FNIP1: variants seen among roughly 807,000 people sequenced by gnomAD.
FNIP1 encodes the protein folliculin-interacting protein 1.
In FNIP1, 40 loss-of-function variants were observed where a neutral mutation model predicts 124.5. That is an observed-to-expected ratio of 0.32 (90% CI 0.25 to 0.42). The LOEUF (loss-of-function observed/expected upper bound fraction) is 0.42. Among genes scored for constraint, FNIP1 ranks in the 10% least tolerant of loss-of-function variants. FNIP1 has a pLI of 1.00. For missense variants in FNIP1, 1,176 were observed against 1,403.7 expected, an observed-to-expected ratio of 0.84 and a Z score of 2.59; for synonymous variants, 472 against 470.6, an observed-to-expected ratio of 1.00 and a Z score of -0.04.
At chr5:131,654,558 T>C (rs1012014817) in intron 15 of FNIP1, among the ~76,000 whole-genome samples, 1 of 152,114 alleles carries the variant, frequency 6.6e-6, no homozygotes, top group Non-Finnish European at 1.5e-5. Flanking sequence ...CATAGACTTG[T>C]GAGGGAGATC....
chr5:131,776,459 T>A (rs1295602086), intron 1 of FNIP1, among the ~76,000 whole-genome samples: 2 of 152,202 alleles, frequency 1.3e-5, no homozygotes, highest in African/African-American at 4.8e-5. Flanking sequence ...CTATTCTTAA[T>A]AGTCAAAAAT....
chr5:131,789,575 CCAAA>C (rs1772330425), intron 1 of FNIP1, among the ~76,000 whole-genome samples: 1 of 152,182 alleles, frequency 6.6e-6, no homozygotes, highest in Non-Finnish European at 1.5e-5. Flanking sequence ...ACTTTTCCCC[CCAAA>C]CATTTATCCT....
rs1466266313 is a variant in FNIP1 at position 131,744,617 on chromosome 5, T to G, written c.166A>C (p.Asn56His). ...TTAACACTGGAGTCAAACAAAACAT[T>G]TCTCCCTCGTCTTTCACAGTCTTGA... ...VYQDCERRGR[N>H]VLFDSSVKRR... Residue 56 changes from asparagine to histidine, a missense_variant, in exon 2 of 18, where the codon AAT becomes CAT. By Grantham distance (68) the Asn-to-His change is moderately conservative. This residue lies in a region of FNIP1 where 1,109 missense variants were observed against 1,288.5 expected (regional missense o/e 0.86). Coordinates refer to ENST00000510461, the MANE Select transcript of FNIP1 (RefSeq NM_133372.3). 1 of 1,611,924 alleles carries G rather than the reference T, an allele frequency of 6.2e-7. No homozygotes were observed. Among genetic ancestry groups the G allele is most frequent in the Admixed American group, 1.7e-5 (1 of 59,750 alleles).
Position 131,676,801 on chromosome 5 carries a change from G to A in FNIP1, c.1519+902C>T, listed in dbSNP as rs181927114. ...TATGTCAATTATAACTCAATAAAAT[G>A]GAAGGGAATGGGGGAGGGAACAAGG... is the stretch of plus-strand genomic sequence containing the variant. On this transcript the variant is annotated intron_variant, in intron 13 of 17. Transcript: ENST00000510461. 1.2e-3 allele frequency among the ~76,000 whole-genome samples: 178 copies of A among 152,232 alleles called. 2 individuals carry two copies. Among genetic ancestry groups the A allele is most frequent in the Non-Finnish European group, 2.0e-3 (133 of 68,010 alleles).
intron 2 of FNIP1, among the ~76,000 whole-genome samples, chr5:131,737,298 C>G (rs1190286829): frequency 6.6e-6 from 1 of 152,154 alleles, no homozygotes; most frequent in African/African-American, 2.4e-5. Context: ...AGTAGAGAAA[C>G]AACAGCTGAG....
intron 1 of FNIP1, among the ~76,000 whole-genome samples, chr5:131,783,948 C>G (rs1418404428): frequency 1.3e-5 from 2 of 149,424 alleles, no homozygotes; most frequent in Non-Finnish European, 1.5e-5. Context: ...CACTGAAACA[C>G]AGGAATAATC....
At chr5:131,782,526 C>T (rs561896572) in intron 1 of FNIP1, among the ~76,000 whole-genome samples, 2 of 150,590 alleles carry the variant, frequency 1.3e-5, no homozygotes, top group South Asian at 4.2e-4. Flanking sequence ...GATTACGCCA[C>T]TGCACTTCAA....
chr5:131,728,425 G>A (rs917475995), intron 3 of FNIP1, among the ~76,000 whole-genome samples: 1 of 151,834 alleles, frequency 6.6e-6, no homozygotes, highest in African/African-American at 2.4e-5. Context: ...ATGTCATTAA[G>A]TTGATCTTCA....
chr5:131,747,857 T>A (rs1412192619), intron 1 of FNIP1, among the ~76,000 whole-genome samples: 1 of 152,080 alleles, frequency 6.6e-6, no homozygotes, highest in African/African-American at 2.4e-5. Flanking sequence ...TATATGCTGA[T>A]GACAGAATCT....
chr5:131,753,110 G>A (rs746258523), intron 1 of FNIP1, among the ~76,000 whole-genome samples: 1 of 151,758 alleles, frequency 6.6e-6, no homozygotes, highest in Non-Finnish European at 1.5e-5. Flanking sequence ...CAAAAAAAAT[G>A]GCCACAAGCA....
chr5:131,674,860 A>G (rs1011275170), intron 13 of FNIP1, among the ~76,000 whole-genome samples: 1 of 152,212 alleles, frequency 6.6e-6, no homozygotes, highest in Admixed American at 6.5e-5. Context: ...AAATATAAAT[A>G]GGTCTCAAAT....
chr5:131,763,329 C>G (rs1771300442), intron 1 of FNIP1, among the ~76,000 whole-genome samples: 1 of 135,220 alleles, frequency 7.4e-6, no homozygotes. Context: ...ACACACACGA[C>G]TACAATGGCC....
chr5:131,704,275 T>G lies in FNIP1; in HGVS notation c.915-9A>C. Reference sequence around the variant, plus strand: ...AGCTTTCTTCTATAGACCTTAAAAATAAATGATTTTTTATTAATTTACAAA... The same window carrying G: ...AGCTTTCTTCTATAGACCTTAAAAAGAAATGATTTTTTATTAATTTACAAA... On this transcript the variant is annotated splice_polypyrimidine_tract_variant and intron_variant, in intron 9 of 17. Transcript: ENST00000510461. 6.5e-7 allele frequency: 1 copy of G among 1,547,996 alleles called. No individual in the cohort carries two copies.
chr5:131,778,840 T>A (rs7715641), intron 1 of FNIP1, among the ~76,000 whole-genome samples: 3,104 of 138,286 alleles, frequency 0.022, 122 homozygotes, highest in African/African-American at 0.081. Flanking sequence ...GTTCATGTCG[T>A]TTGTAGGGAC....
rs962142250 is a variant in FNIP1 at position 131,707,409 on chromosome 5, C to A, written c.779-863G>T. On this transcript the variant is annotated intron_variant, in intron 8 of 17. Coordinates refer to ENST00000510461, the MANE Select transcript of FNIP1 (RefSeq NM_133372.3). ...ATTCAAAACAGGGAACCATTATCAT[C>A]ACTATTAAAAAGGTACAGGCCAGAT... 7.2e-5 allele frequency among the ~76,000 whole-genome samples: 11 copies of A among 152,148 alleles called. 1 individual carries two copies. Among genetic ancestry groups the A allele is most frequent in the Admixed American group, 5.9e-4 (9 of 15,272 alleles).
chr5:131,687,339 C>CA (rs1768316254), intron 11 of FNIP1, among the ~76,000 whole-genome samples: 1 of 152,112 alleles, frequency 6.6e-6, no homozygotes. Flanking sequence ...CTCCTGGACT[C>CA]AAATGATCCA....
Position 131,672,406 on chromosome 5 carries a change from T to C in FNIP1, c.2038A>G (p.Thr680Ala). The C allele has an allele frequency of 1.9e-6, 3 of 1,614,088 alleles. No individual in the cohort carries two copies. The highest frequency in any genetic ancestry group is 2.5e-6 in the Non-Finnish European group (3 of 1,180,032). The change falls in exon 14 of 18, where the codon ACA becomes GCA. Residue 680 changes from threonine (T) to alanine (A), a missense_variant. This residue lies in a region of FNIP1 where 1,109 missense variants were observed against 1,288.5 expected (regional missense o/e 0.86). Transcript: ENST00000510461. ...LRTCFDAKLE[T>A]VVCTGSVPVD... The stretch of plus-strand genomic sequence containing the variant: ...GGAACAGATCCTGTGCAAACAACTG[T>C]CTCTAACTTGGCGTCAAAGCAAGTT...
At chr5:131,755,039 G>T (rs1409978570) in intron 1 of FNIP1, among the ~76,000 whole-genome samples, 1 of 152,186 alleles carries the variant, frequency 6.6e-6, no homozygotes, top group African/African-American at 2.4e-5. Flanking sequence ...CTCAGGAGGG[G>T]GAGTAAGTTT....
chr5:131,708,121 A>G (rs1171303844), intron 8 of FNIP1, among the ~76,000 whole-genome samples: 1 of 152,176 alleles, frequency 6.6e-6, no homozygotes, highest in Non-Finnish European at 1.5e-5. Context: ...TAGGTTTTGC[A>G]TTTTGTTTTG....
Sources: gnomAD v4.1 joint callset for allele counts (sites outside exome capture counted in the v4.1 genomes callset) on GRCh38, gnomAD v4.1.1 for gene constraint, gnomAD v4.1.1 regional missense constraint, MANE v1.5 for transcripts, NCBI Gene and HGNC (gene_info 2026-07-23, HGNC 2026-07-21) for gene names.